Variants in TPD52 observed in about 807,000 individuals in gnomAD.
TPD52 encodes prostate and colon associated protein.
Under a neutral mutation model 31.3 loss-of-function variants are expected in TPD52, and 17 were observed. That is an observed-to-expected ratio of 0.54 (90% confidence interval 0.37 to 0.82). The LOEUF is 0.82. TPD52 is among the 40% of genes least tolerant of loss of function. The probability of loss-of-function intolerance (pLI) is 0.00; values close to 1 mark genes in which losing one functional copy is unlikely to be tolerated. For missense variants in TPD52, 212 were observed against 240.1 expected (o/e 0.88, Z 0.77); for synonymous variants, 83 against 89.6 (o/e 0.93, Z 0.42).
chr8:80,108,883 T>A (rs1396514374), intron 1 of TPD52, among the ~76,000 whole-genome samples: 6 of 152,232 alleles, frequency 3.9e-5, no homozygotes, highest in Non-Finnish European at 5.9e-5. Flanking sequence ...GAATAAAGAT[T>A]GAAGTATTTA....
At chr8:80,098,550 T>G (rs1253359983) in intron 1 of TPD52, among the ~76,000 whole-genome samples, 1 of 152,210 alleles carries the variant, frequency 6.6e-6, no homozygotes, top group Non-Finnish European at 1.5e-5. Flanking sequence ...TATTACAGAA[T>G]TACAAGTGGA....
At chr8:80,056,462 C>T (rs1056325571) in intron 2 of TPD52, among the ~76,000 whole-genome samples, 1 of 152,044 alleles carries the variant, frequency 6.6e-6, no homozygotes, top group Non-Finnish European at 1.5e-5. Flanking sequence ...AAATTACATA[C>T]CTAATAAGAG....
intron 1 of TPD52, among the ~76,000 whole-genome samples, chr8:80,065,858 C>A (rs573918374): frequency 6.6e-6 from 1 of 151,956 alleles, no homozygotes; most frequent in Admixed American, 6.5e-5. Context: ...TCACCCCCTT[C>A]CTGGCCTCAG....
Position 80,131,421 on chromosome 8 carries a change from T to C in TPD52, c.19+40004A>G, listed in dbSNP as rs565846269. ...ATATTAATTGGTACTCAGAGGAATATTGACTCCCTTTTAAGTGCTAATCTG... is the reference window on the plus strand; with the variant it reads ...ATATTAATTGGTACTCAGAGGAATACTGACTCCCTTTTAAGTGCTAATCTG... On this transcript the variant is annotated intron_variant, in intron 1 of 7. Coordinates refer to ENST00000518937, the MANE Select transcript of TPD52 (RefSeq NM_001025253.3). 2.6e-4 allele frequency among the ~76,000 whole-genome samples: 39 copies of C among 152,362 alleles called. 1 individual carries two copies. In the Middle Eastern group the frequency reaches 0.014, roughly 53 times the overall value.
At chr8:80,160,760 C>T (rs1292888294) in intron 1 of TPD52, among the ~76,000 whole-genome samples, 1 of 151,932 alleles carries the variant, frequency 6.6e-6, no homozygotes, top group Non-Finnish European at 1.5e-5. Context: ...AAATAACTGG[C>T]TGGACACGGG....
intron 1 of TPD52, among the ~76,000 whole-genome samples, chr8:80,102,935 G>A (rs1265400784): frequency 6.6e-6 from 1 of 152,144 alleles, no homozygotes; most frequent in Non-Finnish European, 1.5e-5. Context: ...AAACAGTTCT[G>A]GGAGCTTCCA....
chr8:80,092,728 G>T (rs1047133455), intron 1 of TPD52, among the ~76,000 whole-genome samples: 1 of 150,826 alleles, frequency 6.6e-6, no homozygotes, highest in African/African-American at 2.4e-5. Context: ...ATCTCGTGAA[G>T]AGAGAGTAAA....
Position 80,171,402 on chromosome 8 carries a change from G to A in TPD52, c.19+23C>T, listed in dbSNP as rs1430225917. 3 of 1,591,618 alleles carry A rather than the reference G, an allele frequency of 1.9e-6. No homozygotes were observed. The South Asian group carries it at 3.3e-5, about 18-fold the overall frequency. On this transcript the variant is annotated intron_variant, in intron 1 of 7. Transcript: ENST00000518937. ...AGCCCGAGTCCAAGCCCGAGCCCAA[G>A]CCCGCTGGGTCCGCGCCCTCACCTT...
At chr8:80,061,381 C>T (rs552421878) in intron 2 of TPD52, among the ~76,000 whole-genome samples, 4 of 125,582 alleles carry the variant, frequency 3.2e-5, no homozygotes, top group African/African-American at 1.2e-4. Context: ...CCCACCGCCC[C>T]CCCCAAAAAA....
chr8:80,088,593 G>A (rs572936031), intron 1 of TPD52, among the ~76,000 whole-genome samples: 3 of 152,212 alleles, frequency 2.0e-5, no homozygotes, highest in Admixed American at 6.5e-5. Flanking sequence ...CTGGACTGCC[G>A]AGGGGAGAGG....
At chr8:80,043,955 A>T (rs1034556714) in intron 6 of TPD52, among the ~76,000 whole-genome samples, 4 of 152,180 alleles carry the variant, frequency 2.6e-5, no homozygotes, top group African/African-American at 7.2e-5. Context: ...AATAGAAATA[A>T]TTTTTTTAAA....
At chr8:80,057,468 C>T (rs764439849) in intron 2 of TPD52, among the ~76,000 whole-genome samples, 18 of 152,212 alleles carry the variant, frequency 1.2e-4, no homozygotes, top group Non-Finnish European at 2.4e-4. Context: ...ACATATACAT[C>T]ATGGAATACT....
In TPD52 at chr8:80,146,509, G is replaced by A. The variant is rs115592732; in HGVS notation, c.19+24916C>T. On this transcript the variant is annotated intron_variant, in intron 1 of 7. Coordinates refer to ENST00000518937, the MANE Select transcript of TPD52 (RefSeq NM_001025253.3). ...GAATAAAACAAACTACCTAAGGCCG[G>A]GCATTAATGTGGTGAGCATCATAGA... 3.5e-3 allele frequency among the ~76,000 whole-genome samples: 535 copies of A among 152,244 alleles called. 2 individuals are homozygous for A. Among genetic ancestry groups the A allele is most frequent in the African/African-American group, 0.012 (481 of 41,558 alleles).
chr8:80,061,373 C>G (rs866996689), intron 2 of TPD52, among the ~76,000 whole-genome samples: 13 of 103,986 alleles, frequency 1.3e-4, no homozygotes, highest in Admixed American at 3.1e-4. Context: ...CCTTCCCCCC[C>G]ACCGCCCCCC....
intron 1 of TPD52, among the ~76,000 whole-genome samples, chr8:80,075,496 C>T (rs1002983357): frequency 3.9e-5 from 6 of 152,150 alleles, no homozygotes; most frequent in Admixed American, 1.3e-4. Context: ...AAAGAAGAAA[C>T]GATCCTCAAG....
Position 80,050,456 on chromosome 8 carries a change from T to A in TPD52, c.402A>T (p.Ser134=). The A allele has an allele frequency of 6.2e-7, 1 of 1,606,914 alleles. No homozygotes were observed. The highest frequency in any genetic ancestry group is 8.5e-7 in the Non-Finnish European group (1 of 1,176,802). The change falls in exon 5 of 8, where the codon TCA becomes TCT. Residue 134 remains serine (S), a synonymous_variant. Transcript: ENST00000518937. ...KLEDVKLQAF[S]HSFSIRSIQH... ...CAAACTCTCCTTACCTAAAGGAATG[T>A]GAAAAGGCTTGCAATCTGTAAGAAG...
At chr8:80,072,342 T>TG in intron 1 of TPD52, among the ~76,000 whole-genome samples, 1 of 151,190 alleles carries the variant, frequency 6.6e-6, no homozygotes, top group Middle Eastern at 3.4e-3. Context: ...TGTGTGTGTG[T>TG]GTGTGTATGT....
At chr8:80,137,326 A>G (rs1398812177) in intron 1 of TPD52, among the ~76,000 whole-genome samples, 1 of 152,244 alleles carries the variant, frequency 6.6e-6, no homozygotes, top group African/African-American at 2.4e-5. Context: ...CATTTAAAAC[A>G]AGTGAATTTT....
intron 1 of TPD52, chr8:80,080,525 A>G: frequency 6.3e-7 from 1 of 1,579,714 alleles, no homozygotes; most frequent in Non-Finnish European, 8.6e-7. Context: ...CGCTTTGGCC[A>G]TATTCCCTTT....
Sources: gnomAD v4.1 joint callset for allele counts (sites outside exome capture counted in the v4.1 genomes callset) on GRCh38, gnomAD v4.1.1 for gene constraint, MANE v1.5 for transcripts, NCBI Gene and HGNC (gene_info 2026-07-23, HGNC 2026-07-21) for gene names.